The following FRMPD4 variants were observed in gnomAD, a reference collection of about 807,000 sequenced individuals.
The protein encoded by FRMPD4 is FERM and PDZ domain containing 4.
A neutral mutation model predicts 94.1 loss-of-function variants in FRMPD4; 22 were observed. The ratio of observed to expected loss-of-function variants is 0.23; its 90% CI spans 0.17 to 0.33. The LOEUF is 0.33. Among genes scored for constraint, FRMPD4 ranks in the 10% least tolerant of loss-of-function variants. FRMPD4 has a pLI of 1.00. For synonymous variants in FRMPD4, 631 were observed against 548.6 expected, an observed-to-expected ratio of 1.15 and a Z score of -2.10; for missense variants, 1,111 against 1,339.9, an observed-to-expected ratio of 0.83 and a Z score of 2.67.
chrX:12,344,239 A>C (rs1476866716), intron 1 of FRMPD4, among the ~76,000 whole-genome samples: 1 of 111,911 alleles, frequency 8.9e-6, no homozygotes, highest in Admixed American at 9.4e-5. Context: ...AAATCAATGT[A>C]GGTCTTCGTT....
At chrX:12,215,288 C>A (rs974134729) in intron 1 of FRMPD4, among the ~76,000 whole-genome samples, 1 of 111,100 alleles carries the variant, frequency 9.0e-6, no homozygotes, top group Non-Finnish European at 1.9e-5. Flanking sequence ...GCCCCTCCTC[C>A]TCTCTCTCAC....
At chrX:12,459,681 T>C (rs1267500194) in intron 1 of FRMPD4, among the ~76,000 whole-genome samples, 1 of 112,303 alleles carries the variant, frequency 8.9e-6, no homozygotes, top group Admixed American at 9.4e-5. Context: ...TACCATAATT[T>C]GTTTATTCAT....
At chrX:12,105,801 C>T (rs2055292312) in intron 3 of FRMPD4, among the ~76,000 whole-genome samples, 1 of 111,930 alleles carries the variant, frequency 8.9e-6, no homozygotes, top group African/African-American at 3.2e-5. Context: ...AAGGTGATGA[C>T]GGTACTATAG....
At chrX:12,522,580 T>C (rs950689970) in intron 2 of FRMPD4, among the ~76,000 whole-genome samples, 11 of 101,831 alleles carry the variant, frequency 1.1e-4, no homozygotes, top group African/African-American at 3.9e-4. Context: ...TTAATGGCAA[T>C]TGATTTTCTT....
At chrX:11,930,466 T>A (rs1326544035) in intron 3 of FRMPD4, among the ~76,000 whole-genome samples, 2 of 78,284 alleles carry the variant, frequency 2.6e-5, no homozygotes, top group African/African-American at 7.9e-5. Context: ...GAGAAGGTGG[T>A]CATGTGAAGA....
chrX:12,326,971 T>A (rs2055299444), intron 1 of FRMPD4, among the ~76,000 whole-genome samples: 1 of 110,638 alleles, frequency 9.0e-6, no homozygotes, highest in Middle Eastern at 4.7e-3. Flanking sequence ...CAAAAAAAAA[T>A]TAATTTCCAT....
chrX:12,052,926 A>G (rs2147452683), intron 3 of FRMPD4, among the ~76,000 whole-genome samples: 1 of 111,986 alleles, frequency 8.9e-6, no homozygotes, highest in African/African-American at 3.2e-5. Flanking sequence ...TTTAAGGGAA[A>G]TTAAAAGATT....
Position 12,124,575 on chromosome X carries a change from ACT to A in FRMPD4, c.95+246560_95+246561del, listed in dbSNP as rs754554189. 2.7e-5 allele frequency among the ~76,000 whole-genome samples: 3 copies of A among 112,523 alleles called. No homozygotes were observed. In the East Asian group the frequency reaches 8.3e-4, roughly 31 times the overall value. On this transcript the variant is annotated intron_variant, in intron 3 of 18. Coordinates refer to the FRMPD4 transcript ENST00000640291. The stretch of plus-strand genomic sequence containing the variant: ...ACAATATGGCAACCAAGTGAATGAA[ACT>A]CTATTCTTAAGTAGATGTATATGAA...
At chrX:12,614,219 T>C (rs1005246366) in intron 3 of FRMPD4, 1 of 111,779 alleles carries the variant, frequency 8.9e-6, no homozygotes, top group African/African-American at 3.3e-5. Flanking sequence ...TACTGAGATA[T>C]CTTACGATTC....
intron 4 of FRMPD4, among the ~76,000 whole-genome samples, chrX:12,628,656 C>A (rs1005235177): frequency 1.8e-5 from 2 of 112,760 alleles, no homozygotes; most frequent in Non-Finnish European, 1.9e-5. Context: ...GGAGAATCAG[C>A]TTCTGAAAAG....
intron 1 of FRMPD4, among the ~76,000 whole-genome samples, chrX:12,302,208 C>T (rs1384453293): frequency 9.0e-6 from 1 of 111,716 alleles, no homozygotes; most frequent in Non-Finnish European, 1.9e-5. Context: ...GGCTGGTTTC[C>T]TTACATGTAT....
intron 2 of FRMPD4, among the ~76,000 whole-genome samples, chrX:12,600,408 C>T (rs1270142203): frequency 8.9e-6 from 1 of 112,172 alleles, no homozygotes; most frequent in Non-Finnish European, 1.9e-5. Flanking sequence ...TTAGACAAAT[C>T]CATTTTCAAG....
intron 3 of FRMPD4, among the ~76,000 whole-genome samples, chrX:12,056,738 A>G (rs368449265): frequency 4.1e-4 from 46 of 112,140 alleles, no homozygotes; most frequent in African/African-American, 1.5e-3. Flanking sequence ...ATGTGTCCAC[A>G]TCAGTACATG....
intron 3 of FRMPD4, among the ~76,000 whole-genome samples, chrX:11,964,865 T>TG (rs1293670939): frequency 8.9e-6 from 1 of 112,894 alleles, no homozygotes; most frequent in East Asian, 2.8e-4. Flanking sequence ...CATCTCTTTC[T>TG]GGGGGCTCTA....
chrX:12,423,521 G>C (rs1466991015), intron 1 of FRMPD4, among the ~76,000 whole-genome samples: 1 of 111,682 alleles, frequency 9.0e-6, no homozygotes. Flanking sequence ...CCACCTTTTT[G>C]ATATATTTCC....
intron 1 of FRMPD4, among the ~76,000 whole-genome samples, chrX:12,457,631 A>G (rs1162137934): frequency 8.9e-6 from 1 of 112,096 alleles, no homozygotes; most frequent in Non-Finnish European, 1.9e-5. Flanking sequence ...CCTGGGGAAT[A>G]TATTAAACCA....
Position 12,206,430 on chromosome X carries a change from A to G in FRMPD4, c.41+67418A>G, listed in dbSNP as rs781386284. ...CATGAGGCAGAGCCAACCCTACTGT[A>G]GAATCTAAAGATGACACAGACCCAT... is the stretch of plus-strand genomic sequence containing the variant. On this transcript the variant is annotated intron_variant, in intron 1 of 16. Coordinates refer to ENST00000675598, the MANE Select transcript of FRMPD4 (RefSeq NM_001368397.1). 2.7e-5 allele frequency among the ~76,000 whole-genome samples: 3 copies of G among 112,001 alleles called. No individual in the cohort carries two copies. In the South Asian group the frequency reaches 1.1e-3, roughly 42 times the overall value.
intron 2 of FRMPD4, among the ~76,000 whole-genome samples, chrX:12,505,606 A>T (rs1456728182): frequency 9.1e-6 from 1 of 109,866 alleles, no homozygotes; most frequent in Non-Finnish European, 1.9e-5. Flanking sequence ...ACATGCCTTT[A>T]ATCCCAGCTA....
intron 3 of FRMPD4, among the ~76,000 whole-genome samples, chrX:11,988,250 A>C (rs890616319): frequency 3.8e-4 from 43 of 111,930 alleles, no homozygotes; most frequent in African/African-American, 1.4e-3. Context: ...ACATAGAGCA[A>C]TGGAACAGAA....
Sources: allele counts gnomAD v4.1 joint callset (sites outside exome capture counted in the v4.1 genomes callset), GRCh38; gene constraint gnomAD v4.1.1; transcripts MANE v1.5; gene names NCBI Gene and HGNC (gene_info 2026-07-23, HGNC 2026-07-21).